DLG2: variants seen among roughly 807,000 people sequenced by gnomAD.
DLG2 encodes disks large homolog 2.
Under a neutral mutation model 132.5 loss-of-function variants are expected in DLG2, and 45 were observed. The observed-to-expected ratio is 0.34, with a 90% confidence interval of 0.27 to 0.44. The LOEUF (loss-of-function observed/expected upper bound fraction) is 0.44. Ranked by LOEUF, DLG2 falls within the 20% of genes least tolerant of loss-of-function variation. The pLI is 1.00. For synonymous variants in DLG2, 424 were observed against 419.6 expected (o/e 1.01, Z -0.13); for missense variants, 1,045 against 1,196.9 (o/e 0.87, Z 1.87).
chr11:84,994,338 C>T (rs2057427167), intron 6 of DLG2, among the ~76,000 whole-genome samples: 1 of 152,142 alleles, frequency 6.6e-6, no homozygotes, highest in Admixed American at 6.5e-5. Context: ...GGGATCATTC[C>T]TGTAACACCA....
At chr11:83,643,964 T>C (rs1417715443) in intron 18 of DLG2, among the ~76,000 whole-genome samples, 1 of 152,152 alleles carries the variant, frequency 6.6e-6, no homozygotes, top group African/African-American at 2.4e-5. Flanking sequence ...TAAGTAACCA[T>C]TTAGCAGCCA....
chr11:84,296,735 G>T (rs188093944), intron 7 of DLG2, among the ~76,000 whole-genome samples: 41 of 152,128 alleles, frequency 2.7e-4, no homozygotes, highest in African/African-American at 9.6e-4. Flanking sequence ...CTGTACTTAT[G>T]ATTTCATATT....
At chr11:84,341,035 A>C (rs1221606100) in intron 7 of DLG2, among the ~76,000 whole-genome samples, 1 of 152,088 alleles carries the variant, frequency 6.6e-6, no homozygotes, top group East Asian at 1.9e-4. Context: ...AAATCCAACA[A>C]CTTCTAAGCT....
intron 18 of DLG2, among the ~76,000 whole-genome samples, chr11:83,774,329 A>G (rs1022899002): frequency 1.3e-5 from 2 of 152,184 alleles, no homozygotes; most frequent in Non-Finnish European, 2.9e-5. Flanking sequence ...GATAATTATG[A>G]TAATAACGAT....
At chr11:85,012,932 G>A (rs746538175) in intron 6 of DLG2, among the ~76,000 whole-genome samples, 5 of 152,154 alleles carry the variant, frequency 3.3e-5, no homozygotes, top group African/African-American at 4.8e-5. Context: ...AAAATTAAGA[G>A]AGTTGTTGTA....
intron 6 of DLG2, among the ~76,000 whole-genome samples, chr11:84,765,083 C>A (rs960260278): frequency 2.6e-5 from 4 of 152,048 alleles, no homozygotes; most frequent in African/African-American, 7.2e-5. Flanking sequence ...TTGTATATTA[C>A]CTTTTAGTAT....
chr11:85,465,825 AT>A (rs2092770765), intron 3 of DLG2, among the ~76,000 whole-genome samples: 1 of 151,704 alleles, frequency 6.6e-6, no homozygotes, highest in African/African-American at 2.4e-5. Context: ...ATACCGAGTA[AT>A]GGGATGGCTG....
intron 11 of DLG2, among the ~76,000 whole-genome samples, chr11:84,041,698 A>T (rs371737179): frequency 6.6e-6 from 1 of 152,092 alleles, no homozygotes; most frequent in East Asian, 1.9e-4. Flanking sequence ...TTATAGTTGT[A>T]CGCTTTCATT....
intron 10 of DLG2, among the ~76,000 whole-genome samples, chr11:84,069,168 T>C (rs1182276083): frequency 2.0e-5 from 3 of 152,182 alleles, no homozygotes. Context: ...TTCTAACACG[T>C]TCCTAGGTGA....
intron 17 of DLG2, among the ~76,000 whole-genome samples, chr11:83,806,880 G>A (rs1213864483): frequency 6.6e-6 from 1 of 152,148 alleles, no homozygotes; most frequent in East Asian, 1.9e-4. Context: ...AAGTATAAGC[G>A]AGGAGAATAA....
chr11:84,305,115 T>C (rs992747452), intron 7 of DLG2, among the ~76,000 whole-genome samples: 8 of 152,158 alleles, frequency 5.3e-5, no homozygotes, highest in Non-Finnish European at 1.2e-4. Context: ...GCAAGACATA[T>C]AGGCATTGAA....
chr11:84,743,599 C>A (rs967195733), intron 6 of DLG2, among the ~76,000 whole-genome samples: 2 of 151,906 alleles, frequency 1.3e-5, no homozygotes, highest in South Asian at 4.2e-4. Flanking sequence ...ACTTACATGA[C>A]GATGTGAGAA....
chr11:83,636,845 T>C (rs1461649535), intron 18 of DLG2, among the ~76,000 whole-genome samples: 1 of 152,196 alleles, frequency 6.6e-6, no homozygotes, highest in Non-Finnish European at 1.5e-5. Flanking sequence ...TGATTTATAC[T>C]GCATTTGCCT....
At chr11:84,508,640 T>G (rs2099249102) in intron 7 of DLG2, among the ~76,000 whole-genome samples, 1 of 152,306 alleles carries the variant, frequency 6.6e-6, no homozygotes, top group African/African-American at 2.4e-5. Context: ...CCTCAGGTGA[T>G]CCACTCGCCT....
intron 6 of DLG2, among the ~76,000 whole-genome samples, chr11:84,764,116 C>G (rs572054611): frequency 5.5e-4 from 83 of 152,232 alleles, no homozygotes; most frequent in Admixed American, 1.1e-3. Context: ...TTGGCTCCCA[C>G]TAGAGATACT....
chr11:85,403,696 C>T lies in DLG2; in HGVS notation c.41-118331G>A, dbSNP rs1010580522. Among the ~76,000 whole-genome samples, 11 of 151,632 alleles carry T rather than the reference C, an allele frequency of 7.3e-5. No homozygotes were observed. In the East Asian group the frequency reaches 1.9e-3, roughly 27 times the overall value. ...ACGTTTTGGAAGGAGAGAGTGGAAACCAACAGAAATCTTTAAGCAGGATGA... is the reference window on the plus strand; with the variant it reads ...ACGTTTTGGAAGGAGAGAGTGGAAATCAACAGAAATCTTTAAGCAGGATGA... On this transcript the variant is annotated intron_variant, in intron 3 of 27. Coordinates refer to ENST00000376104, the MANE Select transcript of DLG2 (RefSeq NM_001142699.3).
chr11:83,918,968 C>A (rs556880891), intron 15 of DLG2, among the ~76,000 whole-genome samples: 1 of 152,272 alleles, frequency 6.6e-6, no homozygotes, highest in East Asian at 1.9e-4. Context: ...AAAGGAGATG[C>A]ATATCCAACA....
chr11:85,125,409 T>A (rs2074970012), intron 5 of DLG2, among the ~76,000 whole-genome samples: 1 of 152,160 alleles, frequency 6.6e-6, no homozygotes, highest in Admixed American at 6.5e-5. Context: ...TATAATAAAG[T>A]TTTATTTTAT....
intron 19 of DLG2, among the ~76,000 whole-genome samples, chr11:83,613,081 G>C (rs529141697): frequency 1.3e-5 from 2 of 152,334 alleles, no homozygotes; most frequent in African/African-American, 4.8e-5. Flanking sequence ...CAATTGCAGA[G>C]GCCTGGGATA....
Sources: gnomAD v4.1 joint callset for allele counts (sites outside exome capture counted in the v4.1 genomes callset) on GRCh38, gnomAD v4.1.1 for gene constraint, MANE v1.5 for transcripts, NCBI Gene and HGNC (gene_info 2026-07-23, HGNC 2026-07-21) for gene names.